The following TMEM132B variants were observed in gnomAD, a reference collection of about 807,000 sequenced individuals.
TMEM132B encodes the protein transmembrane protein 132B.
In TMEM132B, 18 loss-of-function variants were observed where a neutral mutation model predicts 90.8. That is an observed-to-expected ratio of 0.20 (90% CI 0.14 to 0.29). The LOEUF is 0.29. Among genes scored for constraint, TMEM132B ranks in the 10% least tolerant of loss-of-function variants. TMEM132B has a pLI of 1.00. For missense variants in TMEM132B, 1,096 were observed against 1,326.8 expected (o/e 0.83, Z 2.70); for synonymous variants, 504 against 523.3 (o/e 0.96, Z 0.50).
At chr12:125,501,021 T>G (rs150313213) in intron 3 of TMEM132B, among the ~76,000 whole-genome samples, 45 of 152,308 alleles carry the variant, frequency 3.0e-4, no homozygotes, top group African/African-American at 1.1e-3. Flanking sequence ...GGGTTTTATG[T>G]CAGCTTTTGT....
intron 1 of TMEM132B, among the ~76,000 whole-genome samples, chr12:125,320,828 A>T (rs1192627927): frequency 6.6e-6 from 1 of 152,224 alleles, no homozygotes; most frequent in Non-Finnish European, 1.5e-5. Flanking sequence ...CAGAAGGAGC[A>T]GATGTTATGC....
Position 125,644,124 on chromosome 12 carries a change from A to G in TMEM132B, c.1486A>G (p.Ser496Gly). Residue 496 changes from serine to glycine, a missense_variant, in exon 6 of 9, where the codon AGC (serine) becomes GGC (glycine). Ser to Gly is a moderately conservative substitution (Grantham distance 56, BLOSUM62 0). Coordinates refer to ENST00000682704, the MANE Select transcript of TMEM132B (RefSeq NM_001366854.1). The stretch of plus-strand genomic sequence containing the variant: ...TTTTGTGAATGGGAAGGAAATGAAG[A>G]GCAAAGTGGACACGATTGTGAACTT... ...SIFVNGKEMK[S>G]KVDTIVNFTH... 6.2e-7 allele frequency: 1 copy of G among 1,614,214 alleles called. No homozygotes were observed. The highest frequency in any genetic ancestry group is 1.3e-5 in the African/African-American group (1 of 75,054).
intron 3 of TMEM132B, among the ~76,000 whole-genome samples, chr12:125,418,516 C>T (rs918472983): frequency 1.1e-4 from 17 of 152,104 alleles, no homozygotes; most frequent in Admixed American, 1.0e-3. Flanking sequence ...TCTTTTTATC[C>T]CTTTTTTTGT....
intron 5 of TMEM132B, among the ~76,000 whole-genome samples, chr12:125,597,169 T>A (rs533877015): frequency 6.6e-6 from 1 of 152,336 alleles, no homozygotes; most frequent in African/African-American, 2.4e-5. Context: ...TGGCACAGAA[T>A]ATGCAATCAA....
chr12:125,194,751 G>A, intron 1 of TMEM132B, among the ~76,000 whole-genome samples: 1 of 144,770 alleles, frequency 6.9e-6, no homozygotes, highest in African/African-American at 2.5e-5. Flanking sequence ...GGGCCGGGTG[G>A]GAGGGGAACC....
At chr12:125,303,520 T>A (rs1875884490) in intron 1 of TMEM132B, among the ~76,000 whole-genome samples, 1 of 152,240 alleles carries the variant, frequency 6.6e-6, no homozygotes, top group African/African-American at 2.4e-5. Flanking sequence ...AATTGCTGGA[T>A]CGTATGGTAA....
chr12:125,358,475 G>C (rs1877857107), intron 2 of TMEM132B, among the ~76,000 whole-genome samples: 1 of 152,012 alleles, frequency 6.6e-6, no homozygotes, highest in African/African-American at 2.4e-5. Context: ...CCACAGCACA[G>C]GGTTGTTATA....
chr12:125,583,285 AC>A (rs1885096469), intron 4 of TMEM132B, among the ~76,000 whole-genome samples: 2 of 152,264 alleles, frequency 1.3e-5, no homozygotes, highest in Admixed American at 1.3e-4. Flanking sequence ...ATTTAAAAAT[AC>A]CTGGGTTTGG....
chr12:125,239,803 C>A (rs190495965), intron 1 of TMEM132B, among the ~76,000 whole-genome samples: 10 of 152,218 alleles, frequency 6.6e-5, no homozygotes, highest in Non-Finnish European at 1.5e-4. Context: ...ACTGCCTGCT[C>A]ATGGTTTGTT....
At chr12:125,593,798 A>G (rs540987976) in intron 5 of TMEM132B, among the ~76,000 whole-genome samples, 1 of 152,372 alleles carries the variant, frequency 6.6e-6, no homozygotes, top group Non-Finnish European at 1.5e-5. Context: ...TAAATTAAGT[A>G]GATCACATAA....
chr12:125,318,036 C>T (rs151026201), intron 1 of TMEM132B, among the ~76,000 whole-genome samples: 300 of 152,140 alleles, frequency 2.0e-3, no homozygotes, highest in African/African-American at 6.2e-3. Context: ...TGGGTTACGG[C>T]GATGTATGTC....
chr12:125,624,245 A>G (rs1236731812), intron 5 of TMEM132B, among the ~76,000 whole-genome samples: 1 of 152,134 alleles, frequency 6.6e-6, no homozygotes, highest in Non-Finnish European at 1.5e-5. Flanking sequence ...TGAGCTAGGG[A>G]GATCTTTTGG....
rs770978410 is a variant in TMEM132B at position 125,583,870 on chromosome 12, C to T, written c.1313C>T (p.Thr438Ile). The change falls in exon 5 of 9, where the codon ACT becomes ATT. Residue 438 changes from threonine to isoleucine, a missense_variant. Thr to Ile is a moderately conservative substitution (Grantham distance 89, BLOSUM62 -1). Transcript: ENST00000682704. ...PLAMDTEVLN[T>I]AILTGKPVSV... Reference sequence around the variant, plus strand: ...GTTTAGGACACCGAGGTTTTGAACACTGCCATTCTCACTGGAAAGCCTGTT... The same window carrying T: ...GTTTAGGACACCGAGGTTTTGAACATTGCCATTCTCACTGGAAAGCCTGTT... The T allele has an allele frequency of 2.5e-6, 4 of 1,613,974 alleles. No individual in the cohort carries two copies. The highest frequency in any genetic ancestry group is 2.2e-5 in the East Asian group (1 of 44,892).
At position 125,490,821 on chromosome 12, in the gene TMEM132B, T is replaced by C. The variant is rs1207238156; in HGVS notation, c.1107-28618T>C. On this transcript the variant is annotated intron_variant, in intron 3 of 8. Coordinates refer to ENST00000682704, the MANE Select transcript of TMEM132B (RefSeq NM_001366854.1). The surrounding 1 kb of genome is among the most constrained non-coding windows in gnomAD (Gnocchi z 4.2). ...TTAGTGACTTACTTCTGTAAAGTACTCTATGGTGAAAGCAATGTGCCACTT... is the reference window on the plus strand; with the variant it reads ...TTAGTGACTTACTTCTGTAAAGTACCCTATGGTGAAAGCAATGTGCCACTT... Among the ~76,000 whole-genome samples, 1 of 152,216 alleles carries C rather than the reference T, an allele frequency of 6.6e-6. No individual in the cohort carries two copies. Among genetic ancestry groups the C allele is most frequent in the African/African-American group, 2.4e-5 (1 of 41,462 alleles).
intron 2 of TMEM132B, among the ~76,000 whole-genome samples, chr12:125,364,084 A>G (rs182311610): frequency 6.6e-6 from 1 of 152,324 alleles, no homozygotes; most frequent in East Asian, 1.9e-4. Context: ...TGTTGTATAT[A>G]AACACATTCC....
intron 5 of TMEM132B, among the ~76,000 whole-genome samples, chr12:125,629,957 G>A (rs112923914): frequency 0.1 from 15,772 of 152,092 alleles, 1,290 homozygotes; most frequent in Admixed American, 0.27. Context: ...ATTTGCATAT[G>A]TTGAACCATC....
intron 4 of TMEM132B, among the ~76,000 whole-genome samples, chr12:125,583,305 C>T (rs1371883541): frequency 1.3e-5 from 2 of 152,142 alleles, no homozygotes; most frequent in African/African-American, 4.8e-5. Context: ...GGAGGGAGAT[C>T]TCTGGAGATT....
intron 1 of TMEM132B, among the ~76,000 whole-genome samples, chr12:125,315,976 TC>T (rs557359247): frequency 1.1e-3 from 165 of 151,966 alleles, no homozygotes; most frequent in African/African-American, 3.9e-3. Context: ...AAGATCAGCA[TC>T]CCCCCCTCAC....
chr12:125,429,638 T>C (rs946071080), intron 3 of TMEM132B, among the ~76,000 whole-genome samples: 1 of 152,202 alleles, frequency 6.6e-6, no homozygotes, highest in Non-Finnish European at 1.5e-5. Flanking sequence ...TGAGGAACAC[T>C]GGTCAGGGGT....
Sources: gnomAD v4.1 joint callset for allele counts (sites outside exome capture counted in the v4.1 genomes callset) on GRCh38, gnomAD v4.1.1 for gene constraint, Gnocchi (gnomAD v3.1) non-coding constraint, MANE v1.5 for transcripts, NCBI Gene and HGNC (gene_info 2026-07-23, HGNC 2026-07-21) for gene names.